Variants in TRAF3IP2 observed in about 807,000 individuals in gnomAD.
TRAF3IP2 encodes TRAF3 interacting protein 2.
TRAF3IP2 carries 35 observed loss-of-function variants against 57.9 expected under a neutral mutation model. That is an observed-to-expected ratio of 0.60 (90% confidence interval 0.46 to 0.80). The LOEUF is 0.80. TRAF3IP2 is among the 30% of genes least tolerant of loss of function. The pLI is 0.00. For synonymous variants in TRAF3IP2, 251 were observed against 268.9 expected, an observed-to-expected ratio of 0.93 and a Z score of 0.65; for missense variants, 556 against 706.4, an observed-to-expected ratio of 0.79 and a Z score of 2.41.
intron 6 of TRAF3IP2, among the ~76,000 whole-genome samples, chr6:111,566,829 T>C (rs1429482786): frequency 1.3e-5 from 2 of 152,104 alleles, no homozygotes; most frequent in Admixed American, 6.5e-5. Context: ...AATAAACCTC[T>C]AATGAAAGCC....
chr6:111,573,121 A>G, intron 4 of TRAF3IP2, 138 bp from the exon 5 acceptor site: 1 of 679,666 alleles, frequency 1.5e-6, no homozygotes, highest in East Asian at 2.8e-5. Context: ...CTAAGAGCTT[A>G]TGCCTACGTT....
intron 1 of TRAF3IP2, among the ~76,000 whole-genome samples, chr6:111,597,472 C>G (rs1562437165): frequency 6.6e-6 from 1 of 152,170 alleles, no homozygotes; most frequent in Admixed American, 6.5e-5. Flanking sequence ...AGTGGGCAAC[C>G]CTGCCAACTC....
chr6:111,556,213 C>T lies in TRAF3IP2; in HGVS notation c.*3192G>A, dbSNP rs554470110. Among the ~76,000 whole-genome samples the T allele has an allele frequency of 3.3e-5, 5 of 149,648 alleles. No homozygotes were observed. The highest frequency in any genetic ancestry group is 2.1e-4 in the South Asian group (1 of 4,696). On this transcript the variant is annotated 3_prime_UTR_variant, in exon 9 of 9. Transcript: ENST00000368761. The stretch of plus-strand genomic sequence containing the variant: ...AAGTGCGTGTGTGTGTGTATGTGTG[C>T]GTGTGTGTGTGTGTGTCTGTGTGTA...
intron 6 of TRAF3IP2, 32 bp downstream of exon 6, chr6:111,567,592 A>C (rs777426553): frequency 6.3e-7 from 1 of 1,588,086 alleles, no homozygotes; most frequent in Non-Finnish European, 8.6e-7. Flanking sequence ...TTCTCACCAG[A>C]AAACAAACTC....
intron 1 of TRAF3IP2, among the ~76,000 whole-genome samples, chr6:111,605,303 A>T (rs1459982458): frequency 6.6e-6 from 1 of 152,220 alleles, no homozygotes; most frequent in Non-Finnish European, 1.5e-5. Context: ...CCTGGCCCAA[A>T]AATGTGCTGT....
At chr6:111,562,881 G>T in intron 8 of TRAF3IP2, 84 bp downstream of exon 8, 2 of 1,014,416 alleles carry the variant, frequency 2.0e-6, no homozygotes, top group Non-Finnish European at 2.9e-6. Flanking sequence ...AAAAAAGAAT[G>T]GACAAGGTTT....
chr6:111,581,750 G>A (rs547166725), intron 2 of TRAF3IP2, among the ~76,000 whole-genome samples: 3 of 152,240 alleles, frequency 2.0e-5, no homozygotes, highest in African/African-American at 7.2e-5. Context: ...GGCCGAGGCA[G>A]ACAGATCACC....
rs1233657880 is a variant in TRAF3IP2 at position 111,585,674 on chromosome 6, C to T, written c.830-5285G>A. On this transcript the variant is annotated intron_variant, in intron 2 of 8. Transcript: ENST00000368761. ...TCCCTGTTCAGAAATAGCTTCCCTG[C>T]GGACTTGTCCCCAATGCCTACAGTT... Among the ~76,000 whole-genome samples the T allele has an allele frequency of 3.3e-5, 5 of 152,140 alleles. No individual in the cohort carries two copies. In the East Asian group the frequency reaches 7.7e-4, roughly 23 times the overall value.
chr6:111,585,600 A>C (rs1354114326), intron 2 of TRAF3IP2, among the ~76,000 whole-genome samples: 1 of 152,172 alleles, frequency 6.6e-6, no homozygotes, highest in African/African-American at 2.4e-5. Flanking sequence ...CACACTAGTT[A>C]GTGTGTGAGA....
At chr6:111,566,613 T>C in intron 6 of TRAF3IP2, 53 bp from the exon 7 acceptor site, 1 of 1,512,194 alleles carries the variant, frequency 6.6e-7, no homozygotes, top group Middle Eastern at 1.7e-4. Context: ...AGCAGGACTG[T>C]GGGCATTCTC....
At chr6:111,574,367 C>G (rs182109244) in intron 4 of TRAF3IP2, among the ~76,000 whole-genome samples, 25 of 152,320 alleles carry the variant, frequency 1.6e-4, no homozygotes, top group Admixed American at 1.5e-3. Context: ...GCAAGCACAT[C>G]ATATAATAAT....
chr6:111,573,920 C>T (rs535161174), intron 4 of TRAF3IP2: 1 of 152,226 alleles, frequency 6.6e-6, no homozygotes, highest in East Asian at 1.9e-4. Context: ...TGAAACACAC[C>T]TCCCAAATGG....
At chr6:111,600,334 G>C (rs1258009607) in intron 1 of TRAF3IP2, 1 of 152,160 alleles carries the variant, frequency 6.6e-6, no homozygotes, top group Non-Finnish European at 1.5e-5. Context: ...AGTCATTTCC[G>C]GCACATTTGA....
At position 111,566,711 on chromosome 6, in the gene TRAF3IP2, C is replaced by T; in HGVS notation, c.1360-151G>A. On this transcript the variant is annotated intron_variant, in intron 6 of 8. Transcript: ENST00000368761. ...AGGCAGACTCTTATCTCTGCTTCTC[C>T]CTTCTGTCTCCAGCCCAGCCCCACC... 8 of 756,376 alleles carry T rather than the reference C, an allele frequency of 1.1e-5. No homozygotes were observed. In the South Asian group the frequency reaches 1.2e-4, roughly 11 times the overall value. 46.9% of individuals were successfully genotyped at this position (756,376 alleles called of 1,614,324 possible).
chr6:111,603,496 G>C (rs1272724763), intron 1 of TRAF3IP2, among the ~76,000 whole-genome samples: 1 of 152,148 alleles, frequency 6.6e-6, no homozygotes. Context: ...GTTTTTAGAA[G>C]CTAATTTAAA....
Position 111,559,282 on chromosome 6 carries a change from G to C in TRAF3IP2, c.*123C>G. 1 of 1,359,622 alleles carries C rather than the reference G, an allele frequency of 7.4e-7. No individual in the cohort carries two copies. The highest frequency in any genetic ancestry group is 1.4e-5 in the South Asian group (1 of 69,726). The allele number at this position is 1,359,622 out of a possible 1,614,324, so 84.2% of individuals were successfully genotyped here. On this transcript the variant is annotated 3_prime_UTR_variant, in exon 9 of 9. Coordinates refer to ENST00000368761, the MANE Select transcript of TRAF3IP2 (RefSeq NM_147686.4). ...CACAACAGGTTTCCTGGGGGCCAGA[G>C]GGCCTCTCGGGGAGGAACAGAAAAA... is the stretch of plus-strand genomic sequence containing the variant.
In TRAF3IP2 at chr6:111,603,066, T is replaced by C. The variant is rs542052832; in HGVS notation, c.-9+2710A>G. ...ACAACTCCTGGTATCCGGGAAGGTC[T>C]GTGCACACACAAGGTGTGCACACAC... is the stretch of plus-strand genomic sequence containing the variant. On this transcript the variant is annotated intron_variant, in intron 1 of 8. Coordinates refer to ENST00000368761, the MANE Select transcript of TRAF3IP2 (RefSeq NM_147686.4). Among the ~76,000 whole-genome samples the C allele has an allele frequency of 1.5e-3, 220 of 148,446 alleles. 1 individual carries two copies. Among genetic ancestry groups the C allele is most frequent in the African/African-American group, 5.1e-3 (206 of 40,320 alleles).
chr6:111,591,896 T>G lies in TRAF3IP2; in HGVS notation c.191A>C (p.His64Pro), dbSNP rs149246847. The G allele has an allele frequency of 3.6e-4, 585 of 1,614,186 alleles. No individual in the cohort carries two copies. The African/African-American group carries it at 6.8e-3, about 19-fold the overall frequency. Residue 64 changes from histidine to proline, a missense_variant, in exon 2 of 9, where the codon CAC (histidine) becomes CCC (proline). Coordinates refer to ENST00000368761, the MANE Select transcript of TRAF3IP2 (RefSeq NM_147686.4). The surrounding 1 kb of genome is among the most constrained non-coding windows in gnomAD (Gnocchi z 4.9). ...HNSSGDFSQA[H>P]STLKLANHQR... ...GTGATTTGCAAGTTTCAGGGTTGAG[T>G]GAGCTTGAGAAAAGTCTCCGGAGGA...
chr6:111,569,941 T>C (rs949437845), intron 5 of TRAF3IP2, among the ~76,000 whole-genome samples: 1 of 152,186 alleles, frequency 6.6e-6, no homozygotes, highest in Non-Finnish European at 1.5e-5. Flanking sequence ...GCTACTATTA[T>C]GGGCTGAATT....
Sources: allele counts gnomAD v4.1 joint callset (sites outside exome capture counted in the v4.1 genomes callset), GRCh38; gene constraint gnomAD v4.1.1; non-coding constraint Gnocchi (gnomAD v3.1); transcripts MANE v1.5; gene names NCBI Gene and HGNC (gene_info 2026-07-23, HGNC 2026-07-21).